Variants in POLR2B observed in about 807,000 individuals in gnomAD.
The protein encoded by POLR2B is DNA-directed RNA polymerase II subunit RPB2.
POLR2B carries 57 observed loss-of-function variants against 144.6 expected under a neutral mutation model. The ratio of observed to expected loss-of-function variants is 0.39; its 90% CI spans 0.32 to 0.49. The LOEUF is 0.49. Ranked by LOEUF, POLR2B falls within the 20% of genes least tolerant of loss-of-function variation. The probability of loss-of-function intolerance (pLI) is 0.83; values close to 1 mark genes in which losing one functional copy is unlikely to be tolerated. For missense variants in POLR2B, 595 were observed against 1,467.4 expected, an observed-to-expected ratio of 0.41 and a Z score of 9.71; for synonymous variants, 442 against 469.8, an observed-to-expected ratio of 0.94 and a Z score of 0.77.
Position 56,978,996 on chromosome 4 carries a change from C to T in POLR2B, c.11C>T (p.Ala4Val), listed in dbSNP as rs1183893706. MYD[A>V]DEDMQYDEDD... ...GAACCGTTTGGCAATATGTACGACG[C>T]GGATGAGGGTAGGTGAACGCTCAAA... The change falls in exon 1 of 25, where the codon GCG (alanine) becomes GTG (valine). Residue 4 changes from alanine (A) to valine (V), a missense_variant. Transcript: ENST00000314595. 6.2e-7 allele frequency: 1 copy of T among 1,613,640 alleles called. No individual in the cohort carries two copies. Among genetic ancestry groups the T allele is most frequent in the Non-Finnish European group, 8.5e-7 (1 of 1,179,882 alleles).
intron 2 of POLR2B, among the ~76,000 whole-genome samples, chr4:56,988,878 G>A (rs1252691045): frequency 6.6e-6 from 1 of 152,160 alleles, no homozygotes; most frequent in Non-Finnish European, 1.5e-5. Flanking sequence ...TAGGTGAAAA[G>A]AAGTTGTTTT....
intron 1 of POLR2B, 50 bp downstream of exon 1, chr4:56,979,054 A>G: frequency 2.5e-6 from 4 of 1,591,242 alleles, no homozygotes; most frequent in Non-Finnish European, 3.4e-6. Context: ...TAAGCAGGAA[A>G]GCGTTGGGAA....
chr4:57,020,908 C>G lies in POLR2B; in HGVS notation c.2333C>G (p.Ser778Ter). 1.3e-6 allele frequency: 2 copies of G among 1,574,454 alleles called. No individual in the cohort carries two copies. The highest frequency in any genetic ancestry group is 1.7e-6 in the Non-Finnish European group (2 of 1,143,838). The change falls in exon 17 of 25, where the codon TCA becomes TGA. Residue 778 changes from serine (S) to a stop codon, truncating the protein, a stop_gained. Transcript: ENST00000314595. LOFTEE classifies it high-confidence loss of function. ...CTTAAATTCACTGCAGGCATCAACT[C>G]AATTGTGGCCATTGCATCATACACT... Reference protein sequence around the residue: ...RFRELPAGINSIVAIASYTGY... With the variant: ...RFRELPAGIN
chr4:56,993,456 G>A lies in POLR2B; in HGVS notation c.244-948G>A, dbSNP rs554073940. ...TTCCCTTTGGTTCGTTATCACCACC[G>A]TTCTCTTTGCCCTTTATCCAGCCCA... On this transcript the variant is annotated intron_variant, in intron 3 of 24. Transcript: ENST00000314595. Among the ~76,000 whole-genome samples, 262 of 152,240 alleles carry A rather than the reference G, an allele frequency of 1.7e-3. 2 individuals are homozygous for A. Among genetic ancestry groups the A allele is most frequent in the African/African-American group, 5.7e-3 (237 of 41,562 alleles).
chr4:56,991,628 A>C (rs1413014204), intron 3 of POLR2B, among the ~76,000 whole-genome samples: 3 of 152,182 alleles, frequency 2.0e-5, no homozygotes, highest in Admixed American at 1.3e-4. Flanking sequence ...TCTTCTGTGT[A>C]GCTTATCTCC....
chr4:56,993,098 G>A (rs1318574829), intron 3 of POLR2B, among the ~76,000 whole-genome samples: 1 of 151,878 alleles, frequency 6.6e-6, no homozygotes, highest in Non-Finnish European at 1.5e-5. Flanking sequence ...GAGGCCAGGA[G>A]TTTGAGACCA....
At chr4:57,013,084 A>G (rs1433144145) in intron 13 of POLR2B, among the ~76,000 whole-genome samples, 1 of 151,800 alleles carries the variant, frequency 6.6e-6, no homozygotes, top group African/African-American at 2.4e-5. Flanking sequence ...CAGGTGATCC[A>G]CCTGCCTCAG....
chr4:57,000,709 G>T (rs1040678015), intron 7 of POLR2B, among the ~76,000 whole-genome samples: 3 of 151,664 alleles, frequency 2.0e-5, no homozygotes, highest in Non-Finnish European at 2.9e-5. Context: ...TTTTTTTTGG[G>T]GGGGAGGATA....
intron 2 of POLR2B, among the ~76,000 whole-genome samples, chr4:56,989,390 A>C (rs748286524): frequency 3.9e-5 from 6 of 152,234 alleles, no homozygotes; most frequent in Non-Finnish European, 8.8e-5. Flanking sequence ...CTACTGAAAT[A>C]AATTGCCCCA....
chr4:57,010,892 G>A lies in POLR2B; in HGVS notation c.1688+5G>A. ...TTCTCCTGCAGCTATTGCTGAGTGT[G>A]TATAGATGGAATTAGTTTTTTAAAC... On this transcript the variant is annotated splice_donor_5th_base_variant and intron_variant, in intron 12 of 24. Transcript: ENST00000314595. The A allele has an allele frequency of 6.2e-7, 1 of 1,605,548 alleles. No individual in the cohort carries two copies. The highest frequency in any genetic ancestry group is 8.5e-7 in the Non-Finnish European group (1 of 1,172,798).
chr4:57,008,278 C>T (rs951737515), intron 10 of POLR2B, among the ~76,000 whole-genome samples: 2 of 150,796 alleles, frequency 1.3e-5, no homozygotes, highest in African/African-American at 4.9e-5. Flanking sequence ...TCTCCGCTCA[C>T]TGCAAGCTCT....
chr4:57,030,429 T>C, intron 24 of POLR2B, 30 bp downstream of exon 24: 2 of 1,529,502 alleles, frequency 1.3e-6, no homozygotes, highest in Non-Finnish European at 1.8e-6. Flanking sequence ...GCAGTTGATA[T>C]TTGTTTAGAG....
In POLR2B at chr4:56,985,357, C is replaced by T. The variant is rs911800332; in HGVS notation, c.20-997C>T. On this transcript the variant is annotated intron_variant, in intron 1 of 24. Coordinates refer to ENST00000314595, the MANE Select transcript of POLR2B (RefSeq NM_000938.3). The stretch of plus-strand genomic sequence containing the variant: ...TCCGTGCCCGGTAGCCGCGAGGGAC[C>T]GGTGGTAGCCGCGAGGGACGGGCGG... 53 of 985,256 alleles carry T rather than the reference C, an allele frequency of 5.4e-5. No individual in the cohort carries two copies. In the African/African-American group the frequency reaches 5.4e-4, roughly 10 times the overall value. The allele number at this position is 985,256 out of a possible 1,614,324, so 61.0% of individuals were successfully genotyped here.
In POLR2B at chr4:57,022,170, A is replaced by T. The variant is rs1723573794; in HGVS notation, c.2439A>T (p.Ser813=). 2 of 1,609,276 alleles carry T rather than the reference A, an allele frequency of 1.2e-6. No individual in the cohort carries two copies. Among genetic ancestry groups the T allele is most frequent in the Middle Eastern group, 1.6e-4 (1 of 6,072 alleles). The change falls in exon 18 of 25, where the codon TCA becomes TCT. Residue 813 remains serine (S), a synonymous_variant. Transcript: ENST00000314595. Reference sequence around the variant, plus strand: ...TTTTTAGGTCTGTTTTCTATCGCTCATACAAAGAACAGGAGTCTAAAAAAG... The same window carrying T: ...TTTTTAGGTCTGTTTTCTATCGCTCTTACAAAGAACAGGAGTCTAAAAAAG... ...RGFFRSVFYR[S]YKEQESKKGF... is the part of the protein sequence containing the mutation.
intron 13 of POLR2B, among the ~76,000 whole-genome samples, chr4:57,015,255 C>T (rs530106823): frequency 5.9e-5 from 9 of 152,316 alleles, no homozygotes; most frequent in African/African-American, 1.2e-4. Flanking sequence ...CGTTAACTTG[C>T]ATGACATTAT....
chr4:57,003,303 G>A (rs1183907966), intron 7 of POLR2B, among the ~76,000 whole-genome samples: 1 of 152,246 alleles, frequency 6.6e-6, no homozygotes, highest in South Asian at 2.1e-4. Flanking sequence ...GGTGGTGTGC[G>A]CCTGTTGTCC....
At chr4:56,994,930 GAA>G (rs41560115) in intron 5 of POLR2B, 64 bp downstream of exon 5, 71,742 of 712,204 alleles carry the variant, frequency 0.1, 1,148 homozygotes, top group African/African-American at 0.18. Context: ...AAGTTGAAAT[GAA>G]AAAAAAAAAA....
chr4:56,980,009 G>C (rs1722106413), intron 1 of POLR2B, among the ~76,000 whole-genome samples: 1 of 150,940 alleles, frequency 6.6e-6, no homozygotes, highest in Non-Finnish European at 1.5e-5. Flanking sequence ...TCAATTCCTT[G>C]GCCACCCCCT....
At position 57,006,166 on chromosome 4, in the gene POLR2B, T is replaced by G. The variant is rs1723011750; in HGVS notation, c.1217+447T>G. On this transcript the variant is annotated intron_variant, in intron 9 of 24. Transcript: ENST00000314595. ...CATATTTTCTATAATTGGAAAAAAG[T>G]TATTTTTAAAAATGAAATATGTAGA... 2.0e-5 allele frequency among the ~76,000 whole-genome samples: 3 copies of G among 152,240 alleles called. No individual in the cohort carries two copies. In the South Asian group the frequency reaches 6.2e-4, roughly 31 times the overall value.
Sources: gnomAD v4.1 joint callset for allele counts (sites outside exome capture counted in the v4.1 genomes callset) on GRCh38, gnomAD v4.1.1 for gene constraint, MANE v1.5 for transcripts, NCBI Gene and HGNC (gene_info 2026-07-23, HGNC 2026-07-21) for gene names.